The following CFAP58 variants were observed in gnomAD, a reference collection of about 807,000 sequenced individuals.
CFAP58 encodes the protein cilia and flagella associated protein 58, also known as cilia- and flagella-associated protein 58.
In CFAP58, 88 loss-of-function variants were observed where a neutral mutation model predicts 119.5. The ratio of observed to expected loss-of-function variants is 0.74; its 90% CI spans 0.62 to 0.88. The LOEUF (loss-of-function observed/expected upper bound fraction) is 0.88, where lower values mean the gene tolerates loss of function less well. Among genes scored for constraint, CFAP58 ranks in the 40% least tolerant of loss-of-function variants. CFAP58 has a pLI of 0.00. For missense variants in CFAP58, 990 were observed against 1,021.2 expected, an observed-to-expected ratio of 0.97 and a Z score of 0.42; for synonymous variants, 365 against 366.3, an observed-to-expected ratio of 1.00 and a Z score of 0.04.
intron 15 of CFAP58, among the ~76,000 whole-genome samples, chr10:104,409,472 C>G (rs1413914218): frequency 6.6e-6 from 1 of 152,128 alleles, no homozygotes; most frequent in Non-Finnish European, 1.5e-5. Flanking sequence ...TCTAAATGCT[C>G]TGGGTTCAGT....
chr10:104,420,481 A>C (rs1045632279), intron 15 of CFAP58, among the ~76,000 whole-genome samples: 1 of 152,178 alleles, frequency 6.6e-6, no homozygotes, highest in African/African-American at 2.4e-5. Flanking sequence ...TTTGGTTAGC[A>C]AGGGTCTTTT....
intron 1 of CFAP58, 24 bp downstream of exon 1, chr10:104,353,930 C>A (rs1456502148): frequency 1.2e-6 from 2 of 1,613,370 alleles, no homozygotes; most frequent in Non-Finnish European, 1.7e-6. Flanking sequence ...GCCCCTCTGT[C>A]GCCTTTCCCT....
intron 15 of CFAP58, among the ~76,000 whole-genome samples, chr10:104,438,327 TTTTTTTG>T (rs1186084299): frequency 2.2e-4 from 31 of 138,934 alleles, no homozygotes; most frequent in Admixed American, 1.2e-3. Flanking sequence ...ATTTTTATTG[TTTTTTTG>T]TTTTTTGTTT....
intron 15 of CFAP58, among the ~76,000 whole-genome samples, chr10:104,409,850 T>A (rs904304658): frequency 1.6e-5 from 2 of 126,228 alleles, no homozygotes; most frequent in Non-Finnish European, 3.3e-5. Flanking sequence ...CTCTTGTAAT[T>A]AAAAAAAAAT....
rs568219036 is a variant in CFAP58 at position 104,369,789 on chromosome 10, A to G, written c.931-1106A>G. On this transcript the variant is annotated intron_variant, in intron 6 of 17. Coordinates refer to ENST00000369704, the MANE Select transcript of CFAP58 (RefSeq NM_001008723.2). ...ATGAACAGCTAATTTTGGTCTCTTC[A>G]TTGTTATGAGCTGAGATAATTGCTA... Among the ~76,000 whole-genome samples the G allele has an allele frequency of 2.0e-5, 3 of 152,334 alleles. No homozygotes were observed. The East Asian group carries it at 5.8e-4, about 29-fold the overall frequency.
intron 15 of CFAP58, among the ~76,000 whole-genome samples, chr10:104,434,690 G>A (rs2012902358): frequency 6.6e-6 from 1 of 152,240 alleles, no homozygotes; most frequent in Non-Finnish European, 1.5e-5. Flanking sequence ...GGAAGTGATA[G>A]ACCATTACTG....
chr10:104,346,633 CT>C, the CFAP58 span, among the ~76,000 whole-genome samples: 1,822 of 101,090 alleles, frequency 0.018, 14 homozygotes, highest in Middle Eastern at 0.028. Flanking sequence ...GCCATTTAGT[CT>C]TTTTTTTTTT....
At chr10:104,343,244 T>A in the CFAP58 span, among the ~76,000 whole-genome samples, 1 of 152,244 alleles carries the variant, frequency 6.6e-6, no homozygotes, top group South Asian at 2.1e-4. Context: ...GATTTGCATT[T>A]GGCTATTTCA....
At chr10:104,376,936 C>T (rs567457169) in intron 8 of CFAP58, 43 bp downstream of exon 8, 44 of 1,478,844 alleles carry the variant, frequency 3.0e-5, no homozygotes, top group Admixed American at 2.4e-4. Context: ...TGTCTTTCTT[C>T]AGCACTGTAA....
intron 14 of CFAP58, among the ~76,000 whole-genome samples, chr10:104,405,163 G>A (rs1279374382): frequency 6.6e-6 from 1 of 152,182 alleles, no homozygotes; most frequent in Admixed American, 6.5e-5. Flanking sequence ...CAACCCTGCC[G>A]GGTGAATGTG....
chr10:104,392,132 C>T (rs2012057387), intron 9 of CFAP58, 101 bp from the exon 10 acceptor site: 1 of 975,926 alleles, frequency 1.0e-6, no homozygotes, highest in Admixed American at 2.4e-5. Flanking sequence ...TGATTACTGG[C>T]ATCTCTACCA....
At chr10:104,384,842 G>A (rs2011889927) in intron 9 of CFAP58, among the ~76,000 whole-genome samples, 1 of 152,200 alleles carries the variant, frequency 6.6e-6, no homozygotes, top group Non-Finnish European at 1.5e-5. Context: ...GTAACAGGAA[G>A]TGGGAAAGGA....
intron 5 of CFAP58, among the ~76,000 whole-genome samples, chr10:104,366,358 C>A (rs1030268493): frequency 6.6e-6 from 1 of 152,174 alleles, no homozygotes; most frequent in Non-Finnish European, 1.5e-5. Flanking sequence ...AGAAACAGAA[C>A]ATTACCAGCA....
chr10:104,422,617 A>ACCAAC (rs2012679341), intron 15 of CFAP58, among the ~76,000 whole-genome samples: 1 of 152,162 alleles, frequency 6.6e-6, no homozygotes, highest in Non-Finnish European at 1.5e-5. Flanking sequence ...ATTCACATGT[A>ACCAAC]CAGTGGTTGG....
chr10:104,386,313 G>T (rs1173665477), intron 9 of CFAP58, among the ~76,000 whole-genome samples: 1 of 150,780 alleles, frequency 6.6e-6, no homozygotes, highest in African/African-American at 2.4e-5. Context: ...GGGAGGTGAG[G>T]TTGCAGTGAG....
chr10:104,353,890 G>A lies in CFAP58; in HGVS notation c.-8G>A. ...CAGCCTCTGAGGCCGCCCCCAGAGA[G>A]CATCAGGATGGCTGAGGTCAGGAGT... On this transcript the variant is annotated 5_prime_UTR_variant, in exon 1 of 18. Coordinates refer to ENST00000369704, the MANE Select transcript of CFAP58 (RefSeq NM_001008723.2). 2 of 1,613,264 alleles carry A rather than the reference G, an allele frequency of 1.2e-6. No homozygotes were observed. Among genetic ancestry groups the A allele is most frequent in the Non-Finnish European group, 8.5e-7 (1 of 1,179,320 alleles).
intron 15 of CFAP58, among the ~76,000 whole-genome samples, chr10:104,428,831 G>A (rs2012795954): frequency 6.6e-6 from 1 of 152,184 alleles, no homozygotes; most frequent in Admixed American, 6.5e-5. Context: ...GACTTGCGAT[G>A]GAGGTTGGGG....
At chr10:104,452,129 C>T (rs1485355105) in intron 17 of CFAP58, among the ~76,000 whole-genome samples, 2 of 151,954 alleles carry the variant, frequency 1.3e-5, no homozygotes, top group South Asian at 2.1e-4. Context: ...TTAGATTTAC[C>T]TGCAATGTAT....
chr10:104,375,118 C>T (rs1306859873), intron 7 of CFAP58, among the ~76,000 whole-genome samples: 1 of 151,338 alleles, frequency 6.6e-6, no homozygotes, highest in East Asian at 1.9e-4. Flanking sequence ...AGAGATTAAA[C>T]ATAAAAATTA....
Sources: allele counts gnomAD v4.1 joint callset (sites outside exome capture counted in the v4.1 genomes callset), GRCh38; gene constraint gnomAD v4.1.1; transcripts MANE v1.5; gene names NCBI Gene and HGNC (gene_info 2026-07-23, HGNC 2026-07-21).